Variants in LAPTM4B observed in about 807,000 individuals in gnomAD.
The protein encoded by LAPTM4B is lysosomal protein transmembrane 4 beta.
LAPTM4B carries 26 observed loss-of-function variants against 28.5 expected under a neutral mutation model. That is an observed-to-expected ratio of 0.91 (90% CI 0.67 to 1.27). The LOEUF (loss-of-function observed/expected upper bound fraction) is 1.27, where lower values mean the gene tolerates loss of function less well. Ranked by LOEUF, LAPTM4B falls within the 50% of genes most tolerant of loss-of-function variation. LAPTM4B has a pLI of 0.00. For missense variants in LAPTM4B, 288 were observed against 285.8 expected (o/e 1.01, Z -0.06); for synonymous variants, 109 against 106.4 (o/e 1.02, Z -0.15).
chr8:97,832,926 G>A (rs1043922926), intron 6 of LAPTM4B, among the ~76,000 whole-genome samples: 8 of 149,956 alleles, frequency 5.3e-5, no homozygotes, highest in Non-Finnish European at 1.2e-4. Flanking sequence ...GGCTGGTCTC[G>A]AACTCCTGAC....
intron 1 of LAPTM4B, among the ~76,000 whole-genome samples, chr8:97,782,481 C>T (rs761878434): frequency 6.6e-6 from 1 of 151,870 alleles, no homozygotes; most frequent in Non-Finnish European, 1.5e-5. Context: ...CTCTGTTGTC[C>T]AGGCTGGAGT....
At position 97,820,304 on chromosome 8, in the gene LAPTM4B, CT is replaced by C. The variant is rs71570268; in HGVS notation, c.507+1082del. ...TTTTTTTATTTATTTTTCTTTCTTT[CT>C]TTTTTTTTTTTTTTTGAGGTAGGGT... On this transcript the variant is annotated intron_variant, in intron 5 of 6. Transcript: ENST00000521545. Among the ~76,000 whole-genome samples the C allele has an allele frequency of 3.5e-3, 444 of 128,290 alleles. 1 individual carries two copies. The highest frequency in any genetic ancestry group is 6.3e-3 in the African/African-American group (218 of 34,740). The allele number at this position is 128,290 out of a possible 152,430, so 84.2% of individuals were successfully genotyped here. A position where few individuals can be genotyped will look rare whatever the true frequency, so the allele number is the denominator to read the frequency against.
At chr8:97,809,742 A>T (rs1225946015) in intron 2 of LAPTM4B, among the ~76,000 whole-genome samples, 1 of 152,048 alleles carries the variant, frequency 6.6e-6, no homozygotes, top group Non-Finnish European at 1.5e-5. Context: ...TTTTATCTTG[A>T]TATCTTTTTA....
intron 6 of LAPTM4B, among the ~76,000 whole-genome samples, chr8:97,846,403 C>T (rs913945278): frequency 1.3e-5 from 2 of 151,160 alleles, no homozygotes; most frequent in Non-Finnish European, 2.9e-5. Context: ...TCTCAGCTCA[C>T]CACAGCCACC....
intron 5 of LAPTM4B, 118 bp from the exon 6 acceptor site, chr8:97,824,940 A>T: frequency 1.6e-6 from 1 of 614,326 alleles, no homozygotes; most frequent in South Asian, 1.9e-5. Flanking sequence ...AGCTGTTATA[A>T]TATGTGCATT....
chr8:97,851,698 ATAATGGGCTT>A lies in LAPTM4B; in HGVS notation c.*225_*234del. On this transcript the variant is annotated 3_prime_UTR_variant, in exon 7 of 7. Coordinates refer to ENST00000521545, the MANE Select transcript of LAPTM4B (RefSeq NM_018407.6). ...GAATTCTTCCTGTACGATTGGGGAT[ATAATGGGCTT>A]CACTAACCTTCCCTAGGCATTGAAA... 1.7e-6 allele frequency: 1 copy of A among 574,150 alleles called. No individual in the cohort carries two copies. 35.6% of individuals were successfully genotyped at this position (574,150 alleles called of 1,614,324 possible).
chr8:97,830,505 G>A (rs112475698), intron 6 of LAPTM4B, among the ~76,000 whole-genome samples: 157 of 152,346 alleles, frequency 1.0e-3, no homozygotes, highest in African/African-American at 3.7e-3. Context: ...TAGACATTAA[G>A]TAGTGGGGTG....
At chr8:97,777,814 G>A (rs1282175824) in intron 1 of LAPTM4B, among the ~76,000 whole-genome samples, 1 of 152,206 alleles carries the variant, frequency 6.6e-6, no homozygotes. Flanking sequence ...GAAAATTATA[G>A]CAAAAGGATA....
intron 1 of LAPTM4B, among the ~76,000 whole-genome samples, chr8:97,786,701 G>GAA (rs147660476): frequency 1.6e-4 from 14 of 89,252 alleles, no homozygotes; most frequent in East Asian, 2.5e-4. Context: ...TCCCGTCTCA[G>GAA]AAAAAAAAAA....
chr8:97,808,917 T>C (rs950764975), intron 2 of LAPTM4B, among the ~76,000 whole-genome samples: 1 of 151,394 alleles, frequency 6.6e-6, no homozygotes, highest in African/African-American at 2.4e-5. Flanking sequence ...GCCGAGATCA[T>C]GCCACTACAC....
intron 2 of LAPTM4B, among the ~76,000 whole-genome samples, chr8:97,811,400 G>T (rs1407154547): frequency 3.3e-5 from 5 of 152,102 alleles, no homozygotes; most frequent in Non-Finnish European, 7.3e-5. Flanking sequence ...GATTTCCAAT[G>T]GCAGAATGGG....
intron 6 of LAPTM4B, among the ~76,000 whole-genome samples, chr8:97,848,292 G>T (rs1340261421): frequency 6.6e-6 from 1 of 152,048 alleles, no homozygotes; most frequent in Admixed American, 6.6e-5. Flanking sequence ...TTAAAATGTT[G>T]ATTTAAAATG....
At chr8:97,818,905 C>T (rs1396086769) in intron 4 of LAPTM4B, among the ~76,000 whole-genome samples, 3 of 151,212 alleles carry the variant, frequency 2.0e-5, no homozygotes, top group African/African-American at 7.3e-5. Context: ...TCAGAACTTG[C>T]AGAGAATACA....
At chr8:97,803,053 G>C (rs1816711276) in intron 1 of LAPTM4B, among the ~76,000 whole-genome samples, 1 of 151,702 alleles carries the variant, frequency 6.6e-6, no homozygotes, top group Non-Finnish European at 1.5e-5. Flanking sequence ...ACAAAAATTA[G>C]CCGGGTGTGG....
chr8:97,802,540 T>G (rs752271423), intron 1 of LAPTM4B, among the ~76,000 whole-genome samples: 8 of 152,152 alleles, frequency 5.3e-5, no homozygotes, highest in Non-Finnish European at 1.0e-4. Flanking sequence ...TTGGCCGGCG[T>G]CTTTACCATC....
At chr8:97,782,345 T>G (rs1489535298) in intron 1 of LAPTM4B, among the ~76,000 whole-genome samples, 1 of 104,486 alleles carries the variant, frequency 9.6e-6, no homozygotes, top group African/African-American at 4.1e-5. Flanking sequence ...CTGGAGTGGC[T>G]CAATGCAGCC....
chr8:97,817,869 C>T (rs1816946556), intron 4 of LAPTM4B, among the ~76,000 whole-genome samples: 2 of 152,050 alleles, frequency 1.3e-5, no homozygotes, highest in Non-Finnish European at 2.9e-5. Context: ...AGATTACAGG[C>T]GTGAGCCACC....
chr8:97,835,306 A>C (rs1450108950), intron 6 of LAPTM4B, among the ~76,000 whole-genome samples: 1 of 152,194 alleles, frequency 6.6e-6, no homozygotes, highest in Non-Finnish European at 1.5e-5. Flanking sequence ...CCTCTTCTCT[A>C]AAACAGTATA....
At chr8:97,830,913 G>A (rs1352018724) in intron 6 of LAPTM4B, among the ~76,000 whole-genome samples, 2 of 152,158 alleles carry the variant, frequency 1.3e-5, no homozygotes, top group Non-Finnish European at 2.9e-5. Context: ...GTTACCAAGA[G>A]GGCTGGTGTC....
Sources: allele counts gnomAD v4.1 joint callset (sites outside exome capture counted in the v4.1 genomes callset), GRCh38; gene constraint gnomAD v4.1.1; transcripts MANE v1.5; gene names NCBI Gene and HGNC (gene_info 2026-07-23, HGNC 2026-07-21).